KRT77: variants seen among roughly 807,000 people sequenced by gnomAD.
The protein encoded by KRT77 is keratin, type II cytoskeletal 1b.
KRT77 carries 44 observed loss-of-function variants against 51.5 expected under a neutral mutation model. The ratio of observed to expected loss-of-function variants is 0.85; its 90% CI spans 0.67 to 1.10. The LOEUF (loss-of-function observed/expected upper bound fraction) is 1.10, where lower values mean the gene tolerates loss of function less well. KRT77 is among the 50% of genes least tolerant of loss of function. The probability of loss-of-function intolerance (pLI) is 0.00; values close to 1 mark genes in which losing one functional copy is unlikely to be tolerated. For synonymous variants in KRT77, 293 were observed against 302.0 expected (o/e 0.97, Z 0.31); for missense variants, 763 against 743.9 (o/e 1.03, Z -0.30).
Position 52,692,858 on chromosome 12 carries a change from G to A in KRT77, c.1103C>T (p.Ala368Val). Reference sequence around the variant, plus strand: ...CTTCAGGTCGTCTCCATGTCTCCCTGCCGTGATCTGGAGCTCCTGGTACTG... The same window carrying A: ...CTTCAGGTCGTCTCCATGTCTCCCTACCGTGATCTGGAGCTCCTGGTACTG... ...QTKYQELQITAGRHGDDLKNS... is the reference protein window; with the variant it reads ...QTKYQELQITVGRHGDDLKNS... The change falls in exon 6 of 9, where the codon GCA (alanine) becomes GTA (valine). Residue 368 changes from alanine to valine, a missense_variant. Physicochemically the swap from Ala to Val is moderately conservative, Grantham distance 64. Transcript: ENST00000341809. 6.2e-7 allele frequency: 1 copy of A among 1,604,010 alleles called. No individual in the cohort carries two copies. Among genetic ancestry groups the A allele is most frequent in the Non-Finnish European group, 8.5e-7 (1 of 1,171,530 alleles).
chr12:52,696,579 C>T, intron 2 of KRT77, 149 bp from the exon 3 acceptor site: 1 of 672,846 alleles, frequency 1.5e-6, no homozygotes, highest in Non-Finnish European at 2.6e-6. Flanking sequence ...TGTCCATTCC[C>T]AGAGGCTGGC....
chr12:52,702,438 T>C (rs535960880), intron 1 of KRT77, among the ~76,000 whole-genome samples: 1 of 151,874 alleles, frequency 6.6e-6, no homozygotes, highest in Admixed American at 6.6e-5. Flanking sequence ...TGTGTGTGTA[T>C]AAATGGATTG....
At chr12:52,696,010 C>T (rs1941790529) in intron 3 of KRT77, 143 bp from the exon 4 acceptor site, 7 of 642,986 alleles carry the variant, frequency 1.1e-5, no homozygotes, top group Middle Eastern at 4.2e-4. Flanking sequence ...GAATAAGGGA[C>T]CCACAAGTCC....
In KRT77 at chr12:52,703,440, C is replaced by T. The variant is rs752382927; in HGVS notation, c.-6G>A. The T allele has an allele frequency of 1.9e-6, 3 of 1,565,702 alleles. No homozygotes were observed. Among genetic ancestry groups the T allele is most frequent in the Non-Finnish European group, 2.6e-6 (3 of 1,152,066 alleles). On this transcript the variant is annotated 5_prime_UTR_variant, in exon 1 of 9. Coordinates refer to ENST00000341809, the MANE Select transcript of KRT77 (RefSeq NM_175078.3). The stretch of plus-strand genomic sequence containing the variant: ...GAACTAAATTGGTGGCTCATGTTTG[C>T]TGGAGCATCCAGAGAAGCAGGCAAG...
chr12:52,696,562 T>C, intron 2 of KRT77, 132 bp from the exon 3 acceptor site: 1 of 738,848 alleles, frequency 1.4e-6, no homozygotes, highest in Non-Finnish European at 2.3e-6. Flanking sequence ...CTGCTCAAGG[T>C]GCTGGCTGTC....
Position 52,696,413 on chromosome 12 carries a change from T to C in KRT77, c.776A>G (p.Asn259Ser). 2 of 1,614,236 alleles carry C rather than the reference T, an allele frequency of 1.2e-6. No individual in the cohort carries two copies. Among genetic ancestry groups the C allele is most frequent in the Non-Finnish European group, 1.7e-6 (2 of 1,180,030 alleles). Residue 259 changes from asparagine to serine, a missense_variant, in exon 3 of 9, where the codon AAC (asparagine) becomes AGC (serine). Physicochemically the swap from Asn to Ser is conservative, Grantham distance 46. Transcript: ENST00000341809. ...DYKSKYEDEI[N>S]KRTGSENDFV... ...GTCATTCTCGCTGCCAGTCCTCTTG[T>C]TGATTTCATCCTCATACCTGTCAGG...
Position 52,690,245 on chromosome 12 carries a change from T to C in KRT77, c.*920A>G, listed in dbSNP as rs1057004239. The C allele has an allele frequency of 8.5e-5, 13 of 152,240 alleles. No homozygotes were observed. Among genetic ancestry groups the C allele is most frequent in the African/African-American group, 3.1e-4 (13 of 41,452 alleles). 9.4% of individuals were successfully genotyped at this position (152,240 alleles called of 1,614,324 possible). On this transcript the variant is annotated 3_prime_UTR_variant, in exon 9 of 9. Coordinates refer to ENST00000341809, the MANE Select transcript of KRT77 (RefSeq NM_175078.3). ...ACAGAAGCAGAACTTGCTTGTCTGTTCATCAACTCCTGCATCCACTGCTAA... is the reference window on the plus strand; with the variant it reads ...ACAGAAGCAGAACTTGCTTGTCTGTCCATCAACTCCTGCATCCACTGCTAA...
At chr12:52,696,251 A>G in intron 3 of KRT77, 119 bp downstream of exon 3, 1 of 897,318 alleles carries the variant, frequency 1.1e-6, no homozygotes, top group Non-Finnish European at 1.8e-6. Context: ...CAGGCATCAT[A>G]CACAGCAAGC....
At position 52,690,961 on chromosome 12, in the gene KRT77, G is replaced by T; in HGVS notation, c.*204C>A. ...TGAGAATGTGCCTAGCTGTGAATCT[G>T]ACTGCAAGCCAGTGCCCTCCAAAGA... is the stretch of plus-strand genomic sequence containing the variant. On this transcript the variant is annotated 3_prime_UTR_variant, in exon 9 of 9. Coordinates refer to ENST00000341809, the MANE Select transcript of KRT77 (RefSeq NM_175078.3). 7.3e-6 allele frequency: 5 copies of T among 682,070 alleles called. No homozygotes were observed. The highest frequency in any genetic ancestry group is 4.9e-6 in the Non-Finnish European group (2 of 409,826). 42.3% of individuals were successfully genotyped at this position (682,070 alleles called of 1,614,324 possible). A position where few individuals can be genotyped will look rare whatever the true frequency, so the allele number is the denominator to read the frequency against.
chr12:52,696,576 TC>T, intron 2 of KRT77, 146 bp from the exon 3 acceptor site: 1 of 682,100 alleles, frequency 1.5e-6, no homozygotes, highest in Non-Finnish European at 2.6e-6. Flanking sequence ...GGCTGTCCAT[TC>T]CCAGAGGCTG....
rs1242379179 is a variant in KRT77, at chr12:52,691,357, G to A, written c.1545C>T (p.Ser515=). 5.6e-6 allele frequency: 9 copies of A among 1,594,778 alleles called. No homozygotes were observed. Among genetic ancestry groups the A allele is most frequent in the Non-Finnish European group, 7.7e-6 (9 of 1,172,348 alleles). The part of the protein sequence containing the change: ...SYGSGGYGGG[S]GGGYGGGRSY... ...TTCTTCCGCCGCCATAGCCCCCACCGCTGCCGCCGCCGTAGCCTCCTGAGC... is the reference window on the plus strand; with the variant it reads ...TTCTTCCGCCGCCATAGCCCCCACCACTGCCGCCGCCGTAGCCTCCTGAGC... Residue 515 remains serine, a synonymous_variant, in exon 9 of 9, where the codon AGC becomes AGT. Transcript: ENST00000341809.
intron 1 of KRT77, among the ~76,000 whole-genome samples, chr12:52,698,448 A>G (rs1320153195): frequency 2.0e-5 from 3 of 152,208 alleles, no homozygotes; most frequent in African/African-American, 7.2e-5. Context: ...AAATGCTTTT[A>G]TAATGCAGAC....
rs572298219 is a variant in KRT77, at chr12:52,695,127, G to A, written c.916-337C>T. The A allele has an allele frequency of 4.9e-5, 9 of 183,634 alleles. No homozygotes were observed. The South Asian group carries it at 6.4e-4, about 13-fold the overall frequency. 11.4% of individuals were successfully genotyped at this position (183,634 alleles called of 1,614,324 possible). On this transcript the variant is annotated intron_variant, in intron 4 of 8. Transcript: ENST00000341809. ...TTCCTTGAAACCACATGAGTACTCC[G>A]AGGCAGTAGAATGGACTCTAGTTAA...
At position 52,694,036 on chromosome 12, in the gene KRT77, C is replaced by CA. The variant is rs35761312; in HGVS notation, c.1080+589dup. Reference sequence around the variant, plus strand: ...TGGGAGATAGAGTGAGTTTCCATCTCAAAAAAAAAAAAAAGTAAAAAAAAT... The same window carrying CA: ...TGGGAGATAGAGTGAGTTTCCATCTCAAAAAAAAAAAAAAAGTAAAAAAAAT... On this transcript the variant is annotated intron_variant, in intron 5 of 8. Coordinates refer to ENST00000341809, the MANE Select transcript of KRT77 (RefSeq NM_175078.3). Among the ~76,000 whole-genome samples, 940 of 127,212 alleles carry CA rather than the reference C, an allele frequency of 7.4e-3. 12 individuals are homozygous for CA. Among genetic ancestry groups the CA allele is most frequent in the African/African-American group, 0.024 (845 of 35,410 alleles). The allele number at this position is 127,212 out of a possible 152,430, so 83.5% of individuals were successfully genotyped here.
In KRT77 at chr12:52,691,429, G is replaced by A; in HGVS notation, c.1473C>T (p.Asn491=). The A allele has an allele frequency of 1.3e-6, 2 of 1,590,476 alleles. No individual in the cohort carries two copies. The highest frequency in any genetic ancestry group is 8.5e-7 in the Non-Finnish European group (1 of 1,173,290). ...LQSHVSISVQ[N]SQVSVNGGAG... is the part of the protein sequence containing the mutation. The stretch of plus-strand genomic sequence containing the variant: ...CGCCGCCGTTGACGCTCACCTGGCT[G>A]TTCTGCACGGCTGTGGGTAGGGGAC... Residue 491 remains asparagine (N), a synonymous_variant, in exon 9 of 9, where the codon AAC becomes AAT. Coordinates refer to ENST00000341809, the MANE Select transcript of KRT77 (RefSeq NM_175078.3).
intron 5 of KRT77, among the ~76,000 whole-genome samples, chr12:52,694,314 G>A (rs1027647722): frequency 1.3e-4 from 20 of 152,180 alleles, no homozygotes; most frequent in Non-Finnish European, 2.8e-4. Flanking sequence ...TTTGTGCAGT[G>A]CCTAACACAT....
At chr12:52,698,972 G>A (rs1298742210) in intron 1 of KRT77, among the ~76,000 whole-genome samples, 3 of 152,216 alleles carry the variant, frequency 2.0e-5, no homozygotes, top group South Asian at 4.1e-4. Context: ...CCCGGCCCTT[G>A]AGACTCCGCC....
At chr12:52,702,011 C>T (rs1202117774) in intron 1 of KRT77, among the ~76,000 whole-genome samples, 6 of 152,168 alleles carry the variant, frequency 3.9e-5, no homozygotes, top group Non-Finnish European at 7.3e-5. Context: ...CGCTTTCATG[C>T]CTCCTGGTCC....
At chr12:52,696,030 T>C (rs1941790703) in intron 3 of KRT77, among the ~76,000 whole-genome samples, 163 bp from the exon 4 acceptor site, 1 of 152,200 alleles carries the variant, frequency 6.6e-6, no homozygotes, top group Admixed American at 6.5e-5. Context: ...CTGGCTTTCC[T>C]GGCCAGAAGG....
Sources: gnomAD v4.1 joint callset for allele counts (sites outside exome capture counted in the v4.1 genomes callset) on GRCh38, gnomAD v4.1.1 for gene constraint, MANE v1.5 for transcripts, NCBI Gene and HGNC (gene_info 2026-07-23, HGNC 2026-07-21) for gene names.